The following MDN1 variants were observed in gnomAD, a reference collection of about 807,000 sequenced individuals.
MDN1 encodes the protein midasin AAA ATPase 1, also known as midasin.
MDN1 carries 266 observed loss-of-function variants against 669.2 expected under a neutral mutation model. The ratio of observed to expected loss-of-function variants is 0.40; its 90% CI spans 0.36 to 0.44. The LOEUF (loss-of-function observed/expected upper bound fraction) is 0.44. Among genes scored for constraint, MDN1 ranks in the 20% least tolerant of loss-of-function variants. MDN1 has a pLI of 1.00. For missense variants in MDN1, 5,940 were observed against 6,754.0 expected (o/e 0.88, Z 4.22); for synonymous variants, 2,385 against 2,457.1 (o/e 0.97, Z 0.87).
At chr6:89,735,052 A>G (rs908056891) in intron 33 of MDN1, among the ~76,000 whole-genome samples, 21 of 152,080 alleles carry the variant, frequency 1.4e-4, no homozygotes, top group African/African-American at 5.1e-4. Context: ...CACAACGCCC[A>G]GCTAATTTTT....
At chr6:89,661,333 T>C in intron 88 of MDN1, 98 bp downstream of exon 88, 1 of 1,370,176 alleles carries the variant, frequency 7.3e-7, no homozygotes, top group Non-Finnish European at 1.0e-6. Flanking sequence ...ACGTGATTTA[T>C]CACCTGGCCA....
chr6:89,764,208 C>G (rs1817691640), intron 15 of MDN1, among the ~76,000 whole-genome samples: 2 of 152,286 alleles, frequency 1.3e-5, no homozygotes, highest in South Asian at 4.1e-4. Flanking sequence ...AGAGCAAGAA[C>G]TCATCCCTTT....
In MDN1 at chr6:89,785,140, TAA is replaced by T. The variant is rs761376936; in HGVS notation, c.1335-16_1335-15del. ...CAGCTCAAGAGTCTACGTTTCAAAA[TAA>T]AAAACACAGTCACACAAAATTCCAA... On this transcript the variant is annotated splice_polypyrimidine_tract_variant and intron_variant, in intron 8 of 101. Coordinates refer to ENST00000369393, the MANE Select transcript of MDN1 (RefSeq NM_014611.3). 4 of 1,589,390 alleles carry T rather than the reference TAA, an allele frequency of 2.5e-6. No individual in the cohort carries two copies. Among genetic ancestry groups the T allele is most frequent in the Admixed American group, 3.4e-5 (2 of 59,300 alleles).
At chr6:89,813,855 G>C (rs1402910644) in intron 1 of MDN1, among the ~76,000 whole-genome samples, 3 of 151,464 alleles carry the variant, frequency 2.0e-5, no homozygotes, top group Non-Finnish European at 2.9e-5. Context: ...AAGGTGGGAG[G>C]ACTGCTTGAG....
chr6:89,717,613 A>G (rs563694589), intron 43 of MDN1, among the ~76,000 whole-genome samples: 1 of 152,306 alleles, frequency 6.6e-6, no homozygotes, highest in South Asian at 2.1e-4. Context: ...ACTGCATCGG[A>G]TATCTTTTAT....
chr6:89,732,985 C>T (rs146226408), intron 33 of MDN1, among the ~76,000 whole-genome samples: 107 of 152,254 alleles, frequency 7.0e-4, no homozygotes, highest in African/African-American at 2.5e-3. Context: ...CAGTCCATCC[C>T]TATCCAAAGA....
At chr6:89,778,017 TG>T (rs1417383311) in intron 11 of MDN1, among the ~76,000 whole-genome samples, 1 of 152,192 alleles carries the variant, frequency 6.6e-6, no homozygotes, top group East Asian at 1.9e-4. Context: ...AGGCTCTGTG[TG>T]AATTACTTTA....
At chr6:89,739,918 T>C (rs956798005) in intron 32 of MDN1, among the ~76,000 whole-genome samples, 6 of 152,306 alleles carry the variant, frequency 3.9e-5, no homozygotes, top group Admixed American at 3.3e-4. Context: ...TTCTCATCCA[T>C]AAAACTACAA....
chr6:89,737,156 A>AT (rs1475010532), intron 33 of MDN1, among the ~76,000 whole-genome samples: 2 of 152,166 alleles, frequency 1.3e-5, no homozygotes, highest in African/African-American at 2.4e-5. Context: ...TGGCCATTCA[A>AT]GCAGCAGTGT....
At chr6:89,715,564 A>T (rs1814305162) in intron 45 of MDN1, 89 bp downstream of exon 45, 10 of 792,654 alleles carry the variant, frequency 1.3e-5, no homozygotes, top group Non-Finnish European at 2.2e-5. Context: ...CAGTTTATAA[A>T]TAAAATATAT....
At chr6:89,783,285 A>T (rs2128325012) in intron 9 of MDN1, among the ~76,000 whole-genome samples, 1 of 151,612 alleles carries the variant, frequency 6.6e-6, no homozygotes, top group East Asian at 2.0e-4. Context: ...CCCGGGGGGG[A>T]GGTCTATAAA....
chr6:89,794,943 T>C (rs1408732310), intron 2 of MDN1, 142 bp from the exon 3 acceptor site: 1 of 717,268 alleles, frequency 1.4e-6, no homozygotes, highest in African/African-American at 1.8e-5. Context: ...TTTTCATTGA[T>C]TGGTGGGAAT....
chr6:89,682,319 A>G (rs573762741), intron 73 of MDN1, among the ~76,000 whole-genome samples: 3 of 152,342 alleles, frequency 2.0e-5, no homozygotes, highest in South Asian at 4.1e-4. Flanking sequence ...TATTTCTCAC[A>G]GGCTGACATT....
At position 89,646,591 on chromosome 6, in the gene MDN1, C is replaced by T. The variant is rs746676075; in HGVS notation, c.16408G>A (p.Val5470Ile). The T allele has an allele frequency of 6.2e-7, 1 of 1,613,966 alleles. No individual in the cohort carries two copies. Residue 5470 changes from valine (V) to isoleucine (I), a missense_variant, in exon 100 of 102, where the codon GTT becomes ATT. Physicochemically the swap from Val to Ile is conservative, Grantham distance 29. Around this residue, in one of 5 missense-constraint regions of MDN1, gnomAD observed 2,280 missense variants for 2,576.3 expected, o/e 0.88. Coordinates refer to ENST00000369393, the MANE Select transcript of MDN1 (RefSeq NM_014611.3). ...KTKIAQFLES[V>I]ANMFAAAQQL... ...TGAGCAGCTGCAAACATGTTGGCAACAGACTCTAGAAACTAAACCGGAACC... is the reference window on the plus strand; with the variant it reads ...TGAGCAGCTGCAAACATGTTGGCAATAGACTCTAGAAACTAAACCGGAACC...
At position 89,658,750 on chromosome 6, in the gene MDN1, C is replaced by CTCTTCCCCTTCTGTG. The variant is rs1809511650; in HGVS notation, c.14880_14881insCACAGAAGGGGAAGA (p.Gly4960_Ala4961insHisArgArgGlyArg). On this transcript the variant is annotated inframe_insertion, in exon 89 of 102. Coordinates refer to ENST00000369393, the MANE Select transcript of MDN1 (RefSeq NM_014611.3). ...GCAGCATCTCCATCTTGGTCATCAG[C>CTCTTCCCCTTCTGTG]TCCTGTGTCCATTTCCTCTTCCCCT... 6.2e-7 allele frequency: 1 copy of CTCTTCCCCTTCTGTG among 1,614,032 alleles called. No individual in the cohort carries two copies. Among genetic ancestry groups the CTCTTCCCCTTCTGTG allele is most frequent in the Non-Finnish European group, 8.5e-7 (1 of 1,180,030 alleles).
chr6:89,770,013 G>C (rs56875093), intron 15 of MDN1, among the ~76,000 whole-genome samples: 119 of 152,160 alleles, frequency 7.8e-4, no homozygotes, highest in African/African-American at 2.8e-3. Flanking sequence ...CAGGAGGATT[G>C]CTTAAACCCA....
At chr6:89,794,922 G>A (rs1268646338) in intron 2 of MDN1, 121 bp from the exon 3 acceptor site, 2 of 812,604 alleles carry the variant, frequency 2.5e-6, no homozygotes, top group Non-Finnish European at 3.9e-6. Flanking sequence ...TTTCAAAAAG[G>A]AGTATCTATA....
In MDN1 at chr6:89,753,560, GAGCTTCTGAAC is replaced by G; in HGVS notation, c.3016_3026del (p.Val1006HisfsTer30). On this transcript the variant is annotated frameshift_variant, in exon 22 of 102. Coordinates refer to ENST00000369393, the MANE Select transcript of MDN1 (RefSeq NM_014611.3). LOFTEE classifies it high-confidence loss of function. Reference sequence around the variant, plus strand: ...TGCCAGGGACAATGTGTTGACAGATGAGCTTCTGAACTATTGGGTGTGATGCCCTGTCAAGC... The same window carrying G: ...TGCCAGGGACAATGTGTTGACAGATGTATTGGGTGTGATGCCCTGTCAAGC... 1.2e-6 allele frequency: 2 copies of G among 1,613,812 alleles called. No individual in the cohort carries two copies. The highest frequency in any genetic ancestry group is 1.7e-6 in the Non-Finnish European group (2 of 1,179,732).
chr6:89,700,043 C>G lies in MDN1; in HGVS notation c.8870+20G>C. On this transcript the variant is annotated intron_variant, in intron 57 of 101. Transcript: ENST00000369393. ...AGAAAAAAAGTTCCCGCAAGGAAAA[C>G]AACTGAAAGCATGGTTTACCTTCTG... 6.2e-7 allele frequency: 1 copy of G among 1,608,612 alleles called. No individual in the cohort carries two copies.
Sources: allele counts gnomAD v4.1 joint callset (sites outside exome capture counted in the v4.1 genomes callset), GRCh38; gene constraint gnomAD v4.1.1; regional missense constraint gnomAD v4.1.1; transcripts MANE v1.5; gene names NCBI Gene and HGNC (gene_info 2026-07-23, HGNC 2026-07-21).